KIAA1217: variants seen among roughly 807,000 people sequenced by gnomAD.
KIAA1217 encodes KIAA1217, also known as sickle tail protein homolog.
A neutral mutation model predicts 163.9 loss-of-function variants in KIAA1217; 88 were observed. The observed-to-expected ratio is 0.54, with a 90% CI of 0.45 to 0.64. The LOEUF (loss-of-function observed/expected upper bound fraction) is 0.64. Ranked by LOEUF, KIAA1217 falls within the 30% of genes least tolerant of loss-of-function variation. KIAA1217 has a pLI of 0.00. For missense variants in KIAA1217, 2,372 were observed against 2,475.0 expected (o/e 0.96, Z 0.88); for synonymous variants, 903 against 923.1 (o/e 0.98, Z 0.39).
At chr10:23,844,696 T>C (rs1838937082) in intron 1 of KIAA1217, among the ~76,000 whole-genome samples, 1 of 151,890 alleles carries the variant, frequency 6.6e-6, no homozygotes, top group Non-Finnish European at 1.5e-5. Flanking sequence ...TTCTAGGTCC[T>C]CTTTTCTTTT....
chr10:24,029,680 G>A (rs1039508077), intron 2 of KIAA1217, among the ~76,000 whole-genome samples: 14 of 152,090 alleles, frequency 9.2e-5, no homozygotes, highest in Non-Finnish European at 1.8e-4. Context: ...ACAAAGCCAG[G>A]GCCAGAGAGC....
chr10:23,979,068 C>A (rs781587155), intron 1 of KIAA1217, among the ~76,000 whole-genome samples: 14 of 152,190 alleles, frequency 9.2e-5, no homozygotes, highest in Admixed American at 3.3e-4. Context: ...AATACTGCAA[C>A]TGAGACTTAC....
intron 16 of KIAA1217, among the ~76,000 whole-genome samples, chr10:24,534,906 G>A (rs932740854): frequency 1.6e-4 from 24 of 146,082 alleles, no homozygotes; most frequent in South Asian, 4.3e-4. Context: ...AAAAAAAAGC[G>A]TGGTGAATGA....
intron 2 of KIAA1217, among the ~76,000 whole-genome samples, chr10:24,367,534 A>T (rs1363134614): frequency 6.6e-6 from 1 of 152,206 alleles, no homozygotes; most frequent in Non-Finnish European, 1.5e-5. Context: ...AAAAGTGGGC[A>T]TCTCTAAGCA....
At chr10:23,797,945 A>G (rs548165456) in intron 1 of KIAA1217, among the ~76,000 whole-genome samples, 1 of 152,360 alleles carries the variant, frequency 6.6e-6, no homozygotes, top group South Asian at 2.1e-4. Flanking sequence ...AACTTGGAGG[A>G]ACAATAGATT....
intron 3 of KIAA1217, among the ~76,000 whole-genome samples, chr10:24,414,708 G>A (rs551633664): frequency 2.0e-5 from 3 of 152,322 alleles, no homozygotes; most frequent in East Asian, 3.9e-4. Flanking sequence ...TTGTCCTTGC[G>A]GACTCGCCCC....
intron 3 of KIAA1217, among the ~76,000 whole-genome samples, chr10:24,396,230 G>A (rs961505559): frequency 3.9e-5 from 6 of 152,040 alleles, no homozygotes; most frequent in South Asian, 2.1e-4. Flanking sequence ...CCAACTAGTC[G>A]GGAGGCTGTG....
chr10:24,372,100 C>T lies in KIAA1217; in HGVS notation c.355-8769C>T, dbSNP rs143903091. 7.8e-3 allele frequency among the ~76,000 whole-genome samples: 1,180 copies of T among 152,238 alleles called. 12 individuals carry two copies. The highest frequency in any genetic ancestry group is 0.025 in the African/African-American group (1,044 of 41,532). ...AGGGTTGAAAACCCATTGAATACTA[C>T]GCTTGTTACAAAAACACCGGGGGTT... is the stretch of plus-strand genomic sequence containing the variant. On this transcript the variant is annotated intron_variant, in intron 2 of 20. Transcript: ENST00000376454.
intron 1 of KIAA1217, among the ~76,000 whole-genome samples, chr10:23,810,347 T>C (rs1294068271): frequency 6.8e-6 from 1 of 146,626 alleles, no homozygotes; most frequent in African/African-American, 2.5e-5. Context: ...ATATATACTA[T>C]ATATAGATTA....
chr10:24,453,196 T>G (rs147422384), intron 5 of KIAA1217, among the ~76,000 whole-genome samples: 1 of 152,332 alleles, frequency 6.6e-6, no homozygotes, highest in East Asian at 1.9e-4. Flanking sequence ...TTCTCTGCTT[T>G]TGTTCTCACC....
At chr10:24,515,304 G>A (rs536253524) in intron 10 of KIAA1217, among the ~76,000 whole-genome samples, 1 of 152,200 alleles carries the variant, frequency 6.6e-6, no homozygotes, top group South Asian at 2.1e-4. Flanking sequence ...CTGACCTCAG[G>A]TGATCCACCT....
rs116678535 is a variant in KIAA1217, at chr10:24,111,093, A to G, written c.-171+103719A>G. 5.1e-3 allele frequency among the ~76,000 whole-genome samples: 784 copies of G among 152,292 alleles called. 7 individuals are homozygous for G. Among genetic ancestry groups the G allele is most frequent in the African/African-American group, 0.018 (759 of 41,556 alleles). On this transcript the variant is annotated intron_variant, in intron 2 of 18. Coordinates refer to the KIAA1217 transcript ENST00000376462. ...CCAGTAGTTATATTTGATGTTAGCT[A>G]TTTGGTACAAAATACAATTCTTATA... is the stretch of plus-strand genomic sequence containing the variant.
chr10:24,448,163 A>G (rs1253861814), intron 5 of KIAA1217, among the ~76,000 whole-genome samples: 3 of 152,132 alleles, frequency 2.0e-5, no homozygotes, highest in Non-Finnish European at 4.4e-5. Context: ...GAAGTTTAAG[A>G]ATAACAATAA....
At chr10:24,047,293 T>A (rs905272938) in intron 2 of KIAA1217, among the ~76,000 whole-genome samples, 2 of 152,148 alleles carry the variant, frequency 1.3e-5, no homozygotes, top group African/African-American at 4.8e-5. Flanking sequence ...GTGGTCCTAG[T>A]ACAAGCCTGC....
intron 1 of KIAA1217, among the ~76,000 whole-genome samples, chr10:23,850,241 T>C (rs1374623514): frequency 6.6e-6 from 1 of 152,122 alleles, no homozygotes; most frequent in East Asian, 1.9e-4. Flanking sequence ...TCTAGATAAA[T>C]TTAACCCTAG....
chr10:24,166,617 A>G (rs995971438), intron 2 of KIAA1217, among the ~76,000 whole-genome samples: 2 of 152,138 alleles, frequency 1.3e-5, no homozygotes, highest in African/African-American at 4.8e-5. Flanking sequence ...GCATACCTGT[A>G]ATTCCAGTTA....
chr10:24,133,940 C>A lies in KIAA1217; in HGVS notation c.-170-85686C>A, dbSNP rs529212433. Among the ~76,000 whole-genome samples the A allele has an allele frequency of 2.0e-5, 3 of 152,324 alleles. No homozygotes were observed. In the East Asian group the frequency reaches 5.8e-4, roughly 29 times the overall value. On this transcript the variant is annotated intron_variant, in intron 2 of 18. Coordinates refer to the KIAA1217 transcript ENST00000376462. ...AGAGGCAGGAGAAAGAGCTAACCAA[C>A]CCCTTGGATCAGGCTTAGAGGAACA...
chr10:24,227,143 G>GATTACT (rs2070685257), intron 2 of KIAA1217, among the ~76,000 whole-genome samples: 1 of 148,848 alleles, frequency 6.7e-6, no homozygotes, highest in African/African-American at 2.5e-5. Flanking sequence ...GATATAAAGG[G>GATTACT]ATTATTATTA....
chr10:24,542,100 G>T lies in KIAA1217; in HGVS notation c.3535-593G>T, dbSNP rs553895664. Among the ~76,000 whole-genome samples, 3 of 152,164 alleles carry T rather than the reference G, an allele frequency of 2.0e-5. No individual in the cohort carries two copies. The East Asian group carries it at 5.8e-4, about 29-fold the overall frequency. ...GATCAGGGGAAAATAATGTTTTTTCGTCCCCAAATGCCAAACCCAACCAAG... is the reference window on the plus strand; with the variant it reads ...GATCAGGGGAAAATAATGTTTTTTCTTCCCCAAATGCCAAACCCAACCAAG... On this transcript the variant is annotated intron_variant, in intron 17 of 20. Coordinates refer to ENST00000376454, the MANE Select transcript of KIAA1217 (RefSeq NM_019590.5).
Sources: gnomAD v4.1 joint callset for allele counts (sites outside exome capture counted in the v4.1 genomes callset) on GRCh38, gnomAD v4.1.1 for gene constraint, MANE v1.5 for transcripts, NCBI Gene and HGNC (gene_info 2026-07-23, HGNC 2026-07-21) for gene names.